Variants in SCAPER observed in about 807,000 individuals in gnomAD.
SCAPER encodes S-phase cyclin A associated protein in the ER, also known as S phase cyclin A-associated protein in the endoplasmic reticulum.
Under a neutral mutation model 182.2 loss-of-function variants are expected in SCAPER, and 98 were observed. That is an observed-to-expected ratio of 0.54 (90% CI 0.46 to 0.64). The LOEUF (loss-of-function observed/expected upper bound fraction) is 0.64, where lower values mean the gene tolerates loss of function less well. Ranked by LOEUF, SCAPER falls within the 30% of genes least tolerant of loss-of-function variation. SCAPER has a pLI of 0.00. For missense variants in SCAPER, 1,432 were observed against 1,690.0 expected (o/e 0.85, Z 2.68); for synonymous variants, 605 against 564.6 (o/e 1.07, Z -1.01).
chr15:76,382,770 G>A (rs2944380), intron 27 of SCAPER, among the ~76,000 whole-genome samples: 147,855 of 152,162 alleles, frequency 0.97, 71,965 homozygotes, highest in East Asian at 1. Flanking sequence ...AGCTAATGGG[G>A]TAGAGGGAGA....
chr15:76,551,063 T>G lies in SCAPER; in HGVS notation c.2838+23095A>C, dbSNP rs1344939634. Reference sequence around the variant, plus strand: ...TATCAGAAATGCAAAAAATAACAAATGCTAACAGAGATGTAGAGAAATGGG... The same window carrying G: ...TATCAGAAATGCAAAAAATAACAAAGGCTAACAGAGATGTAGAGAAATGGG... On this transcript the variant is annotated intron_variant, in intron 23 of 31. Coordinates refer to ENST00000563290, the MANE Select transcript of SCAPER (RefSeq NM_020843.4). Among the ~76,000 whole-genome samples the G allele has an allele frequency of 2.6e-5, 4 of 152,040 alleles. No individual in the cohort carries two copies. The South Asian group carries it at 6.2e-4, about 24-fold the overall frequency.
intron 25 of SCAPER, among the ~76,000 whole-genome samples, chr15:76,446,666 G>A (rs1426400012): frequency 6.6e-6 from 1 of 152,172 alleles, no homozygotes. Flanking sequence ...ATAGGATGGA[G>A]ATTAACATTC....
At chr15:76,721,837 G>A (rs1181596622) in intron 17 of SCAPER, among the ~76,000 whole-genome samples, 3 of 152,142 alleles carry the variant, frequency 2.0e-5, no homozygotes, top group African/African-American at 7.2e-5. Context: ...CTGAGACGAT[G>A]GGGTTTTCTA....
chr15:76,800,467 T>TCAA (rs1282934747), intron 6 of SCAPER, 103 bp from the exon 7 acceptor site: 11 of 740,320 alleles, frequency 1.5e-5, no homozygotes, highest in South Asian at 3.2e-5. Context: ...ATCCTACTTT[T>TCAA]CAACAACAAC....
chr15:76,861,228 T>C (rs2071835720), intron 3 of SCAPER, among the ~76,000 whole-genome samples: 1 of 152,214 alleles, frequency 6.6e-6, no homozygotes, highest in South Asian at 2.1e-4. Context: ...AAAAACAGGA[T>C]ATTTACATAG....
intron 5 of SCAPER, among the ~76,000 whole-genome samples, chr15:76,805,190 G>C (rs1335842999): frequency 6.6e-6 from 1 of 152,004 alleles, no homozygotes; most frequent in African/African-American, 2.4e-5. Flanking sequence ...TAAATATTTG[G>C]GTTGTTTCTA....
At chr15:76,758,964 T>C (rs977426339) in intron 14 of SCAPER, among the ~76,000 whole-genome samples, 24 of 62,250 alleles carry the variant, frequency 3.9e-4, no homozygotes, top group African/African-American at 6.7e-4. Context: ...ATTCATATAT[T>C]ATTTCTCAAA....
At chr15:76,484,586 T>C (rs1342102676) in intron 24 of SCAPER, among the ~76,000 whole-genome samples, 4 of 152,206 alleles carry the variant, frequency 2.6e-5, no homozygotes, top group African/African-American at 7.2e-5. Flanking sequence ...GGTATTCCTA[T>C]TGAAACTATT....
At position 76,603,227 on chromosome 15, in the gene SCAPER, T is replaced by C. The variant is rs538224031; in HGVS notation, c.2711+18537A>G. Among the ~76,000 whole-genome samples the C allele has an allele frequency of 2.1e-4, 25 of 118,536 alleles. 3 individuals carry two copies. In the South Asian group the frequency reaches 6.7e-3, roughly 32 times the overall value. The allele number at this position is 118,536 out of a possible 152,430, so 77.8% of individuals were successfully genotyped here. A position where few individuals can be genotyped will look rare whatever the true frequency, so the allele number is the denominator to read the frequency against. On this transcript the variant is annotated intron_variant, in intron 22 of 31. Transcript: ENST00000563290. Reference sequence around the variant, plus strand: ...CAGTCCCCAGAGTGTGATGTTCCCCTTCCTGTGTCCATGTGTTCTCATTGT... The same window carrying C: ...CAGTCCCCAGAGTGTGATGTTCCCCCTCCTGTGTCCATGTGTTCTCATTGT...
chr15:76,718,016 T>C (rs910726494), intron 17 of SCAPER, among the ~76,000 whole-genome samples: 3 of 152,218 alleles, frequency 2.0e-5, no homozygotes, highest in African/African-American at 7.2e-5. Flanking sequence ...ATAGGCCATA[T>C]GTTAAACCAC....
At chr15:76,404,336 A>T (rs1052669054) in intron 27 of SCAPER, among the ~76,000 whole-genome samples, 188 bp downstream of exon 27, 2 of 152,144 alleles carry the variant, frequency 1.3e-5, no homozygotes, top group Non-Finnish European at 1.5e-5. Flanking sequence ...GACTGGTGAG[A>T]GTGTGTGGCC....
At chr15:76,784,715 C>T (rs1172858218) in intron 8 of SCAPER, among the ~76,000 whole-genome samples, 1 of 152,124 alleles carries the variant, frequency 6.6e-6, no homozygotes, top group East Asian at 1.9e-4. Context: ...AGAACAGAGG[C>T]CTCAGAAATA....
intron 21 of SCAPER, among the ~76,000 whole-genome samples, chr15:76,651,180 C>CA (rs2055004749): frequency 6.6e-6 from 1 of 151,590 alleles, no homozygotes; most frequent in Non-Finnish European, 1.5e-5. Flanking sequence ...AACGAACAAA[C>CA]AAAAATCAAA....
intron 16 of SCAPER, among the ~76,000 whole-genome samples, chr15:76,730,845 C>T (rs530806813): frequency 3.9e-5 from 6 of 152,068 alleles, no homozygotes; most frequent in Admixed American, 3.3e-4. Context: ...GCCAAGTGTA[C>T]ACTTGTAAAC....
chr15:76,687,636 T>C (rs1368556893), intron 20 of SCAPER, among the ~76,000 whole-genome samples: 55 of 152,156 alleles, frequency 3.6e-4, no homozygotes, highest in Admixed American at 3.6e-3. Context: ...TTCCCCTTCT[T>C]GTGTCCAGGT....
chr15:76,738,533 C>A (rs1345775126), intron 15 of SCAPER, among the ~76,000 whole-genome samples: 2 of 80,806 alleles, frequency 2.5e-5, no homozygotes, highest in Non-Finnish European at 5.0e-5. Flanking sequence ...CAAAGCGAGA[C>A]TCTGTCTCAA....
chr15:76,511,081 T>A (rs2041992438), intron 23 of SCAPER, among the ~76,000 whole-genome samples: 1 of 152,036 alleles, frequency 6.6e-6, no homozygotes, highest in Non-Finnish European at 1.5e-5. Context: ...AATGATACAA[T>A]GAACTCTGGG....
At chr15:76,810,078 C>T (rs1486413676) in intron 5 of SCAPER, among the ~76,000 whole-genome samples, 3 of 152,084 alleles carry the variant, frequency 2.0e-5, no homozygotes, top group South Asian at 2.1e-4. Context: ...TTAATCACTA[C>T]TATACTTGAT....
intron 23 of SCAPER, among the ~76,000 whole-genome samples, chr15:76,560,362 C>T (rs1277639567): frequency 6.6e-6 from 1 of 152,200 alleles, no homozygotes; most frequent in South Asian, 2.1e-4. Context: ...AGGCCCGTAA[C>T]TAGAAAGCCT....
Sources: allele counts gnomAD v4.1 joint callset (sites outside exome capture counted in the v4.1 genomes callset), GRCh38; gene constraint gnomAD v4.1.1; transcripts MANE v1.5; gene names NCBI Gene and HGNC (gene_info 2026-07-23, HGNC 2026-07-21).